RBM22: variants seen among roughly 807,000 people sequenced by gnomAD.
The protein encoded by RBM22 is pre-mRNA-splicing factor RBM22.
Under a neutral mutation model 50.1 loss-of-function variants are expected in RBM22, and 1 was observed. The ratio of observed to expected loss-of-function variants is 0.02; its 90% CI spans 0.01 to 0.09. The LOEUF is 0.09. Ranked by LOEUF, RBM22 falls within the 10% of genes least tolerant of loss-of-function variation. RBM22 has a pLI of 1.00. For missense variants in RBM22, 264 were observed against 529.3 expected, an observed-to-expected ratio of 0.50 and a Z score of 4.92; for synonymous variants, 152 against 179.0, an observed-to-expected ratio of 0.85 and a Z score of 1.20.
Position 150,692,433 on chromosome 5 carries a change from GCA to G in RBM22, c.1132+460_1132+461del, listed in dbSNP as rs143443943. ...GTCAAAATGTAAATTATACGACCAG[GCA>G]CAGTTTAGTTCATCTGACAGTTTTT... On this transcript the variant is annotated intron_variant, in intron 10 of 10. Coordinates refer to ENST00000199814, the MANE Select transcript of RBM22 (RefSeq NM_018047.3). Among the ~76,000 whole-genome samples the G allele has an allele frequency of 6.0e-3, 916 of 152,158 alleles. 11 individuals are homozygous for G. The highest frequency in any genetic ancestry group is 0.022 in the African/African-American group (894 of 41,498).
Position 150,696,411 on chromosome 5 carries a change from G to A in RBM22, c.545+122C>T. On this transcript the variant is annotated intron_variant, in intron 6 of 10. Coordinates refer to ENST00000199814, the MANE Select transcript of RBM22 (RefSeq NM_018047.3). This position sits in a 1 kb window ranked among gnomAD's most constrained non-coding sequence, Gnocchi z 4.3. ...AAATTTCATAGTTCTAAGACATGAGGTATACCACATTAGTTGTATGACCTT... is the reference window on the plus strand; with the variant it reads ...AAATTTCATAGTTCTAAGACATGAGATATACCACATTAGTTGTATGACCTT... The A allele has an allele frequency of 9.4e-7, 1 of 1,062,438 alleles. No individual in the cohort carries two copies. The highest frequency in any genetic ancestry group is 1.4e-6 in the Non-Finnish European group (1 of 733,002). The allele number at this position is 1,062,438 out of a possible 1,614,324, so 65.8% of individuals were successfully genotyped here. A position where few individuals can be genotyped will look rare whatever the true frequency, so the allele number is the denominator to read the frequency against.
At chr5:150,693,932 C>T in intron 8 of RBM22, 144 bp downstream of exon 8, 2 of 1,080,244 alleles carry the variant, frequency 1.9e-6, no homozygotes, top group African/African-American at 1.6e-5. Flanking sequence ...AATCAAGTAT[C>T]ACATAGAGAG....
intron 7 of RBM22, chr5:150,695,193 A>T: frequency 4.0e-6 from 1 of 247,194 alleles, no homozygotes; most frequent in Non-Finnish European, 7.9e-6. Context: ...CACCCGGCTA[A>T]TTTTTTTGAT....
intron 10 of RBM22, 111 bp from the exon 11 acceptor site, chr5:150,691,992 C>T (rs950765073): frequency 4.6e-5 from 55 of 1,202,624 alleles, no homozygotes; most frequent in African/African-American, 3.3e-4. Context: ...AAGGTTGACA[C>T]GGGGCTTAAG....
Position 150,695,527 on chromosome 5 carries a change from G to T in RBM22, c.725C>A (p.Thr242Asn), listed in dbSNP as rs775902448. 3.1e-6 allele frequency: 5 copies of T among 1,613,712 alleles called. No homozygotes were observed. Among genetic ancestry groups the T allele is most frequent in the Non-Finnish European group, 2.5e-6 (3 of 1,179,752 alleles). ...TTLYVGGLGD[T>N]ITETDLRNHF... ...AAACCTTAAATCTGTCTCAGTAATG[G>T]TATCACCTAGACCACCAACATATAG... is the stretch of plus-strand genomic sequence containing the variant. The change falls in exon 7 of 11, where the codon ACC (threonine) becomes AAC (asparagine). Residue 242 changes from threonine to asparagine, a missense_variant. By Grantham distance (65) the Thr-to-Asn change is moderately conservative. Around this residue, in one of 7 missense-constraint regions of RBM22, gnomAD observed 62 missense variants for 102.6 expected, o/e 0.60. Transcript: ENST00000199814.
rs149656321 is a variant in RBM22 at position 150,699,127 on chromosome 5, G to A, written c.138+115C>T. ...TGAATATATCAGTAATACATAAAAA[G>A]TTGTATAGCACTGATTTTTACTGGA... On this transcript the variant is annotated intron_variant, in intron 3 of 10. Coordinates refer to ENST00000199814, the MANE Select transcript of RBM22 (RefSeq NM_018047.3). The A allele has an allele frequency of 4.7e-4, 658 of 1,389,874 alleles. 4 individuals are homozygous for A. The African/African-American group carries it at 8.9e-3, about 19-fold the overall frequency. 86.1% of individuals were successfully genotyped at this position (1,389,874 alleles called of 1,614,324 possible). A position where few individuals can be genotyped will look rare whatever the true frequency, so the allele number is the denominator to read the frequency against.
chr5:150,700,574 G>A, intron 1 of RBM22, 77 bp from the exon 2 acceptor site: 1 of 1,605,082 alleles, frequency 6.2e-7, no homozygotes, highest in Non-Finnish European at 8.5e-7. Flanking sequence ...GGGTGGCGAG[G>A]GGGCGGGAAG....
rs75237178 is a variant in RBM22 at position 150,697,896 on chromosome 5, C to A, written c.271+603G>T. Among the ~76,000 whole-genome samples, 885 of 152,246 alleles carry A rather than the reference C, an allele frequency of 5.8e-3. 8 individuals carry two copies. Among genetic ancestry groups the A allele is most frequent in the African/African-American group, 0.02 (840 of 41,538 alleles). On this transcript the variant is annotated intron_variant, in intron 4 of 10. Transcript: ENST00000199814. ...AATAAAAGTCTAAAGCACAATTAGG[C>A]TGGCTATAGTGGCTCTGGGAGGCCA... is the stretch of plus-strand genomic sequence containing the variant.
At chr5:150,693,992 C>T in intron 8 of RBM22, 84 bp downstream of exon 8, 2 of 1,514,022 alleles carry the variant, frequency 1.3e-6, no homozygotes, top group Non-Finnish European at 1.8e-6. Flanking sequence ...AGCCTGTTAA[C>T]CAAAAGCCTA....
chr5:150,691,997 C>T, intron 10 of RBM22, 116 bp from the exon 11 acceptor site: 1 of 1,169,580 alleles, frequency 8.6e-7, no homozygotes, highest in South Asian at 2.8e-5. Flanking sequence ...TGACACGGGG[C>T]TTAAGCAAAT....
chr5:150,695,831 T>C, intron 6 of RBM22, 125 bp from the exon 7 acceptor site: 2 of 739,336 alleles, frequency 2.7e-6, no homozygotes. Flanking sequence ...AACTAGAAAC[T>C]ATGGTTTCTA....
chr5:150,692,824 A>T (rs1315565059), intron 10 of RBM22, 71 bp downstream of exon 10: 4 of 1,433,860 alleles, frequency 2.8e-6, no homozygotes, highest in Non-Finnish European at 3.8e-6. Flanking sequence ...TGTGTTGAAC[A>T]TGATGGTGAG....
chr5:150,694,929 A>G (rs968491580), intron 7 of RBM22: 13 of 153,490 alleles, frequency 8.5e-5, no homozygotes, highest in African/African-American at 3.1e-4. Flanking sequence ...CCTCTACATA[A>G]TTCATCATAC....
rs185507699 is a variant in RBM22 at position 150,694,371 on chromosome 5, C to T, written c.747-131G>A. On this transcript the variant is annotated intron_variant, in intron 7 of 10. Transcript: ENST00000199814. ...CCCCAAGGTTATCTGCCTAACTACC[C>T]GCAGGTCTCCACCCCATATCTTGTC... is the stretch of plus-strand genomic sequence containing the variant. 2.7e-4 allele frequency: 371 copies of T among 1,381,066 alleles called. 1 individual carries two copies. In the African/African-American group the frequency reaches 5.1e-3, roughly 19 times the overall value. 85.6% of individuals were successfully genotyped at this position (1,381,066 alleles called of 1,614,324 possible). A position where few individuals can be genotyped will look rare whatever the true frequency, so the allele number is the denominator to read the frequency against.
At chr5:150,698,348 T>C in intron 4 of RBM22, 151 bp downstream of exon 4, 1 of 1,038,164 alleles carries the variant, frequency 9.6e-7, no homozygotes, top group South Asian at 1.6e-5. Flanking sequence ...AGTGGCCTAA[T>C]TATGGTTCTT....
Position 150,696,754 on chromosome 5 carries a change from A to G in RBM22, c.372+37T>C. 6.2e-7 allele frequency: 1 copy of G among 1,613,694 alleles called. No homozygotes were observed. Among genetic ancestry groups the G allele is most frequent in the Non-Finnish European group, 8.5e-7 (1 of 1,179,564 alleles). On this transcript the variant is annotated intron_variant, in intron 5 of 10. Coordinates refer to ENST00000199814, the MANE Select transcript of RBM22 (RefSeq NM_018047.3). This position sits in a 1 kb window ranked among gnomAD's most constrained non-coding sequence, Gnocchi z 4.3. ...AAGATAAATTATACAGACTGTGTCA[A>G]TTCATTAGGATTTTTATCCAAAAAG...
At chr5:150,698,280 C>A (rs1311583140) in intron 4 of RBM22, among the ~76,000 whole-genome samples, 1 of 152,068 alleles carries the variant, frequency 6.6e-6, no homozygotes, top group Non-Finnish European at 1.5e-5. Context: ...AAGGTTTAGG[C>A]CACTTTTGAT....
Position 150,693,043 on chromosome 5 carries a change from A to G in RBM22, c.1001-17T>C. Reference sequence around the variant, plus strand: ...GAGGAAGAGCTGGAGGAGAGAAAATAGTCAACACATAGAGGGGAGAACAAT... The same window carrying G: ...GAGGAAGAGCTGGAGGAGAGAAAATGGTCAACACATAGAGGGGAGAACAAT... On this transcript the variant is annotated splice_polypyrimidine_tract_variant and intron_variant, in intron 9 of 10. Transcript: ENST00000199814. The G allele has an allele frequency of 6.3e-7, 1 of 1,599,304 alleles. No homozygotes were observed. Among genetic ancestry groups the G allele is most frequent in the Non-Finnish European group, 8.5e-7 (1 of 1,173,716 alleles).
In RBM22 at chr5:150,701,031, G is replaced by A. The variant is rs748238224; in HGVS notation, c.-46C>T. 56 of 1,609,176 alleles carry A rather than the reference G, an allele frequency of 3.5e-5. No individual in the cohort carries two copies. Among genetic ancestry groups the A allele is most frequent in the Non-Finnish European group, 4.4e-5 (52 of 1,176,598 alleles). On this transcript the variant is annotated 5_prime_UTR_variant, in exon 1 of 11. Transcript: ENST00000199814. ...GCTGTAGCTTCCGAATTGGGAGAGAGGACCGCCACAATCCCGTCAAGCCCC... is the reference window on the plus strand; with the variant it reads ...GCTGTAGCTTCCGAATTGGGAGAGAAGACCGCCACAATCCCGTCAAGCCCC...
Sources: allele counts gnomAD v4.1 joint callset (sites outside exome capture counted in the v4.1 genomes callset), GRCh38; gene constraint gnomAD v4.1.1; regional missense constraint gnomAD v4.1.1; non-coding constraint Gnocchi (gnomAD v3.1); transcripts MANE v1.5; gene names NCBI Gene and HGNC (gene_info 2026-07-23, HGNC 2026-07-21).